CPNE4: variants seen among roughly 807,000 people sequenced by gnomAD.
CPNE4 encodes the protein copine 4, also known as copine-4.
A neutral mutation model predicts 67.9 loss-of-function variants in CPNE4; 25 were observed. That is an observed-to-expected ratio of 0.37 (90% CI 0.27 to 0.51). The LOEUF (loss-of-function observed/expected upper bound fraction) is 0.51. CPNE4 is among the 20% of genes least tolerant of loss of function. The pLI, the probability that CPNE4 is intolerant of heterozygous loss-of-function variation, is 0.93. For synonymous variants in CPNE4, 242 were observed against 244.9 expected (o/e 0.99, Z 0.11); for missense variants, 464 against 690.8 (o/e 0.67, Z 3.68).
chr3:131,649,060 A>G (rs1280843915), intron 7 of CPNE4, among the ~76,000 whole-genome samples: 1 of 152,232 alleles, frequency 6.6e-6, no homozygotes, highest in Admixed American at 6.5e-5. Context: ...AGACCTGGAA[A>G]CACATGAACA....
chr3:131,677,407 T>C (rs1252192399), intron 6 of CPNE4, among the ~76,000 whole-genome samples: 1 of 152,132 alleles, frequency 6.6e-6, no homozygotes, highest in Non-Finnish European at 1.5e-5. Context: ...TGATAGTTTC[T>C]TTTGCTGCAT....
intron 2 of CPNE4, among the ~76,000 whole-genome samples, chr3:131,841,550 C>T (rs1159225202): frequency 6.6e-6 from 1 of 152,154 alleles, no homozygotes; most frequent in Non-Finnish European, 1.5e-5. Context: ...ATCTAGGTTA[C>T]GTGGTCCTTA....
intron 1 of CPNE4, among the ~76,000 whole-genome samples, chr3:131,964,361 T>G (rs1231410220): frequency 6.6e-6 from 1 of 151,806 alleles, no homozygotes; most frequent in Admixed American, 6.6e-5. Flanking sequence ...CAAAACTGGA[T>G]GGAGAATAAG....
intron 2 of CPNE4, among the ~76,000 whole-genome samples, chr3:131,745,460 T>C (rs943027948): frequency 6.6e-6 from 1 of 152,280 alleles, no homozygotes; most frequent in East Asian, 1.9e-4. Context: ...TTGTGGATTA[T>C]GCTGCACGTG....
intron 7 of CPNE4, among the ~76,000 whole-genome samples, chr3:131,643,666 T>G (rs1465492658): frequency 6.6e-6 from 1 of 152,106 alleles, no homozygotes; most frequent in African/African-American, 2.4e-5. Context: ...CAAATCTCAT[T>G]TTGAATTGTA....
Position 131,873,808 on chromosome 3 carries a change from C to T in CPNE4, c.180+31456G>A, listed in dbSNP as rs141170127. Among the ~76,000 whole-genome samples, 714 of 152,252 alleles carry T rather than the reference C, an allele frequency of 4.7e-3. 7 individuals carry two copies. The highest frequency in any genetic ancestry group is 0.015 in the African/African-American group (630 of 41,550). On this transcript the variant is annotated intron_variant, in intron 2 of 15. Coordinates refer to ENST00000429747, the MANE Select transcript of CPNE4 (RefSeq NM_130808.3). ...GGACAGCGGGAAAGTGGTAGTACATCCTGTGTACCTTCTCCCTGGCTCCTT... is the reference window on the plus strand; with the variant it reads ...GGACAGCGGGAAAGTGGTAGTACATTCTGTGTACCTTCTCCCTGGCTCCTT...
chr3:131,922,314 A>G (rs940256070), intron 1 of CPNE4, among the ~76,000 whole-genome samples: 3 of 152,176 alleles, frequency 2.0e-5, no homozygotes, highest in African/African-American at 7.2e-5. Context: ...TCTTTATCCA[A>G]TCCGCTGTTG....
At chr3:132,030,647 G>A (rs1197560668) in intron 1 of CPNE4, among the ~76,000 whole-genome samples, 1 of 152,176 alleles carries the variant, frequency 6.6e-6, no homozygotes, top group African/African-American at 2.4e-5. Flanking sequence ...GTTCCCAAGA[G>A]GGTTTCCAAA....
intron 8 of CPNE4, among the ~76,000 whole-genome samples, chr3:131,582,951 CCAGGAAGTTCTGGGCTAATTTTTT>C (rs1487459880): frequency 3.3e-5 from 5 of 152,098 alleles, no homozygotes; most frequent in African/African-American, 1.2e-4. Context: ...TTGTTTTCAG[CCAGGAAGTTCTGGGCTAATTTTTT>C]CACTCAGCAA....
chr3:132,001,544 A>G (rs977134078), intron 1 of CPNE4, among the ~76,000 whole-genome samples: 8 of 142,068 alleles, frequency 5.6e-5, no homozygotes, highest in Admixed American at 4.9e-4. Context: ...GAAAGAGACA[A>G]AGAAAAAAGA....
chr3:131,813,430 A>G (rs1211583227), intron 2 of CPNE4, among the ~76,000 whole-genome samples: 1 of 149,636 alleles, frequency 6.7e-6, no homozygotes, highest in Non-Finnish European at 1.5e-5. Flanking sequence ...GTGTGTATAC[A>G]TACAATATAG....
At chr3:131,820,117 A>C (rs1583264532) in intron 2 of CPNE4, among the ~76,000 whole-genome samples, 1 of 152,322 alleles carries the variant, frequency 6.6e-6, no homozygotes, top group East Asian at 1.9e-4. Flanking sequence ...AAACAATCCA[A>C]TATAAAATGC....
chr3:131,618,326 T>C (rs1474544320), intron 7 of CPNE4, among the ~76,000 whole-genome samples: 3 of 152,220 alleles, frequency 2.0e-5, no homozygotes, highest in Non-Finnish European at 2.9e-5. Flanking sequence ...GATCTATGTA[T>C]ACATTGTAGA....
chr3:131,856,532 G>T, intron 2 of CPNE4, among the ~76,000 whole-genome samples: 1 of 152,052 alleles, frequency 6.6e-6, no homozygotes, highest in Admixed American at 6.6e-5. Flanking sequence ...ATGAATATTT[G>T]CTGTTGTCTA....
chr3:131,792,647 G>A lies in CPNE4; in HGVS notation c.181-69022C>T, dbSNP rs74220667. On this transcript the variant is annotated intron_variant, in intron 2 of 15. Coordinates refer to ENST00000429747, the MANE Select transcript of CPNE4 (RefSeq NM_130808.3). ...TATATATATACACACGTGTATATAT[G>A]TATATATACACACGTGTATATATAC... Among the ~76,000 whole-genome samples the A allele has an allele frequency of 3.3e-3, 145 of 43,874 alleles. 2 individuals carry two copies. Among genetic ancestry groups the A allele is most frequent in the African/African-American group, 6.7e-3 (95 of 14,172 alleles). 28.8% of individuals were successfully genotyped at this position (43,874 alleles called of 152,430 possible).
At position 131,542,746 on chromosome 3, in the gene CPNE4, C is replaced by T; in HGVS notation, c.1350G>A (p.Met450Ile). Residue 450 changes from methionine to isoleucine, a missense_variant, in exon 15 of 16, where the codon ATG (methionine) becomes ATA (isoleucine). Physicochemically the swap from Met to Ile is conservative, Grantham distance 10. Coordinates refer to ENST00000429747, the MANE Select transcript of CPNE4 (RefSeq NM_130808.3). The stretch of plus-strand genomic sequence containing the variant: ...GGACAATGGCCTCCCGGGTGTCGGC[C>T]ATGTCTGTGATAACACCATCTGTCA... Reference protein sequence around the residue: ...LILTDGVITDMADTREAIVHA... With the variant: ...LILTDGVITDIADTREAIVHA... 3.1e-6 allele frequency: 5 copies of T among 1,613,950 alleles called. No homozygotes were observed. Among genetic ancestry groups the T allele is most frequent in the Non-Finnish European group, 4.2e-6 (5 of 1,179,938 alleles).
chr3:131,952,212 G>C (rs373632938), intron 1 of CPNE4, among the ~76,000 whole-genome samples: 3 of 149,782 alleles, frequency 2.0e-5, no homozygotes, highest in African/African-American at 7.4e-5. Flanking sequence ...CCTCTGCCCC[G>C]CCGCCCCGTC....
intron 1 of CPNE4, among the ~76,000 whole-genome samples, chr3:131,928,309 C>T (rs4386541): frequency 0.21 from 30,560 of 142,932 alleles, 3,155 homozygotes; most frequent in East Asian, 0.25. Context: ...TACAACAGTC[C>T]TCTTTTCTTA....
intron 2 of CPNE4, among the ~76,000 whole-genome samples, chr3:131,781,252 G>C (rs72985863): frequency 1.3e-5 from 2 of 151,996 alleles, no homozygotes; most frequent in Non-Finnish European, 2.9e-5. Flanking sequence ...TTACACTAAC[G>C]GTCTAGCTAT....
Sources: allele counts gnomAD v4.1 joint callset (sites outside exome capture counted in the v4.1 genomes callset), GRCh38; gene constraint gnomAD v4.1.1; transcripts MANE v1.5; gene names NCBI Gene and HGNC (gene_info 2026-07-23, HGNC 2026-07-21).